Variants in ELAVL4 observed in about 807,000 individuals in gnomAD.
ELAVL4 encodes ELAV like RNA binding protein 4, also known as ELAV-like protein 4.
A neutral mutation model predicts 35.6 loss-of-function variants in ELAVL4; 1 was observed. The observed-to-expected ratio is 0.03, with a 90% CI of 0.01 to 0.13. The LOEUF is 0.13. ELAVL4 is among the 10% of genes least tolerant of loss of function. ELAVL4 has a pLI of 1.00. For missense variants in ELAVL4, 267 were observed against 464.9 expected, an observed-to-expected ratio of 0.57 and a Z score of 3.91; for synonymous variants, 156 against 171.0, an observed-to-expected ratio of 0.91 and a Z score of 0.69.
intron 1 of ELAVL4, among the ~76,000 whole-genome samples, chr1:50,138,873 TAG>T (rs1672339919): frequency 6.6e-6 from 1 of 152,124 alleles, no homozygotes; most frequent in Non-Finnish European, 1.5e-5. Context: ...TTAATGGGTA[TAG>T]AGTTTCAGAC....
At chr1:50,160,641 C>T (rs751753235) in intron 2 of ELAVL4, among the ~76,000 whole-genome samples, 16 of 152,186 alleles carry the variant, frequency 1.1e-4, no homozygotes, top group South Asian at 2.1e-4. Flanking sequence ...AGAAAGGACA[C>T]GCTGACAGAG....
chr1:50,192,033 G>A (rs1331242201), intron 3 of ELAVL4, among the ~76,000 whole-genome samples: 1 of 152,202 alleles, frequency 6.6e-6, no homozygotes, highest in Non-Finnish European at 1.5e-5. Context: ...CTTCTGTGGA[G>A]TGAAGCCCTG....
chr1:50,089,887 A>G (rs1025640539), intron 1 of ELAVL4, among the ~76,000 whole-genome samples: 3 of 152,224 alleles, frequency 2.0e-5, no homozygotes, highest in African/African-American at 7.2e-5. Flanking sequence ...TACAGTGGGA[A>G]TACAGACGGT....
chr1:50,084,446 T>C (rs929825148), intron 1 of ELAVL4, among the ~76,000 whole-genome samples: 1 of 152,194 alleles, frequency 6.6e-6, no homozygotes, highest in Non-Finnish European at 1.5e-5. Context: ...CCAAGTCTTT[T>C]TTTATGCATA....
At chr1:50,074,261 C>T (rs753079325) in intron 1 of ELAVL4, among the ~76,000 whole-genome samples, 33 of 152,188 alleles carry the variant, frequency 2.2e-4, no homozygotes, top group Non-Finnish European at 3.5e-4. Flanking sequence ...AGTCTCTGAC[C>T]GGTTCATTAT....
intron 2 of ELAVL4, among the ~76,000 whole-genome samples, chr1:50,171,862 T>C (rs1679062716): frequency 6.6e-6 from 1 of 152,322 alleles, no homozygotes; most frequent in Admixed American, 6.5e-5. Context: ...TTGGCTGCAA[T>C]TAACCTAGTA....
intron 1 of ELAVL4, among the ~76,000 whole-genome samples, chr1:50,121,680 G>C (rs988214387): frequency 2.0e-5 from 3 of 151,978 alleles, no homozygotes; most frequent in African/African-American, 7.2e-5. Context: ...AGCTTTTTTA[G>C]AACTATGCAA....
intron 1 of ELAVL4, 45 bp downstream of exon 1, chr1:50,109,243 G>A (rs1666657250): frequency 1.3e-6 from 2 of 1,597,412 alleles, no homozygotes; most frequent in Non-Finnish European, 1.7e-6. Flanking sequence ...GTTGCTGGAG[G>A]GAAGAAAAGC....
At chr1:50,055,795 T>C (rs1663630278) in intron 1 of ELAVL4, among the ~76,000 whole-genome samples, 1 of 152,102 alleles carries the variant, frequency 6.6e-6, no homozygotes. Context: ...CGAAAACCTT[T>C]ACAGGAAAAG....
chr1:50,168,356 A>G (rs1339398713), intron 2 of ELAVL4, among the ~76,000 whole-genome samples: 1 of 152,098 alleles, frequency 6.6e-6, no homozygotes, highest in Non-Finnish European at 1.5e-5. Context: ...CAATGCCCTC[A>G]CTTTAACAGT....
At chr1:50,171,443 C>G (rs980435770) in intron 2 of ELAVL4, among the ~76,000 whole-genome samples, 3 of 152,206 alleles carry the variant, frequency 2.0e-5, no homozygotes, top group Non-Finnish European at 4.4e-5. Flanking sequence ...TAACATTTCT[C>G]AAGCCTCACT....
At chr1:50,141,953 TG>T (rs1417204323) in intron 1 of ELAVL4, 3 of 152,254 alleles carry the variant, frequency 2.0e-5, no homozygotes, top group Non-Finnish European at 4.4e-5. Context: ...ATTTATCATT[TG>T]TGACCATCAG....
At chr1:50,111,492 T>C (rs1667069600) in intron 1 of ELAVL4, among the ~76,000 whole-genome samples, 1 of 152,148 alleles carries the variant, frequency 6.6e-6, no homozygotes, top group African/African-American at 2.4e-5. Flanking sequence ...GATTTTGGTA[T>C]TTTTACTAAA....
At chr1:50,136,000 C>T (rs964172022) in intron 1 of ELAVL4, among the ~76,000 whole-genome samples, 2 of 151,986 alleles carry the variant, frequency 1.3e-5, no homozygotes, top group African/African-American at 2.4e-5. Context: ...GTCTCCTTCA[C>T]AGTTGAATCA....
intron 1 of ELAVL4, among the ~76,000 whole-genome samples, chr1:50,070,080 A>T (rs1453114813): frequency 1.3e-5 from 2 of 152,082 alleles, no homozygotes; most frequent in East Asian, 3.9e-4. Flanking sequence ...TATATTTGCC[A>T]CTCCTGGATT....
intron 1 of ELAVL4, among the ~76,000 whole-genome samples, chr1:50,122,882 T>C (rs1223550801): frequency 6.6e-6 from 1 of 152,128 alleles, no homozygotes; most frequent in Non-Finnish European, 1.5e-5. Context: ...TTTAAAAGGA[T>C]TAATACCACT....
At chr1:50,160,904 T>C (rs1676688607) in intron 2 of ELAVL4, among the ~76,000 whole-genome samples, 1 of 152,256 alleles carries the variant, frequency 6.6e-6, no homozygotes, top group Non-Finnish European at 1.5e-5. Flanking sequence ...GAATGGTGTC[T>C]GGTGGGAGTT....
chr1:50,138,963 A>C (rs1406146294), intron 1 of ELAVL4, among the ~76,000 whole-genome samples: 3 of 152,196 alleles, frequency 2.0e-5, no homozygotes, highest in African/African-American at 4.8e-5. Context: ...GTATACTTTA[A>C]AACTATTTAG....
chr1:50,200,723 T>C, intron 6 of ELAVL4, 128 bp from the exon 7 acceptor site: 1 of 1,508,502 alleles, frequency 6.6e-7, no homozygotes, highest in Non-Finnish European at 8.8e-7. Context: ...TTTTGGTTTT[T>C]GAACCCTGAA....
Sources: allele counts gnomAD v4.1 joint callset (sites outside exome capture counted in the v4.1 genomes callset), GRCh38; gene constraint gnomAD v4.1.1; transcripts MANE v1.5; gene names NCBI Gene and HGNC (gene_info 2026-07-23, HGNC 2026-07-21).